Variants in EML1 observed in about 807,000 individuals in gnomAD.
EML1 encodes the protein EMAP like 1.
Under a neutral mutation model 110.4 loss-of-function variants are expected in EML1, and 27 were observed. The ratio of observed to expected loss-of-function variants is 0.24; its 90% CI spans 0.18 to 0.34. EML1 has a LOEUF of 0.34. Among genes scored for constraint, EML1 ranks in the 10% least tolerant of loss-of-function variants. The pLI is 1.00. For synonymous variants in EML1, 344 were observed against 385.8 expected (o/e 0.89, Z 1.27); for missense variants, 741 against 1,030.9 (o/e 0.72, Z 3.85).
chr14:99,892,038 G>C lies in EML1; in HGVS notation c.547+811G>C, dbSNP rs145907073. ...TGAACCGTGTCCAGATTTTAAGACTGGGGGGCAGGTCAGGTGTTGGCCTGC... is the reference window on the plus strand; with the variant it reads ...TGAACCGTGTCCAGATTTTAAGACTCGGGGGCAGGTCAGGTGTTGGCCTGC... On this transcript the variant is annotated intron_variant, in intron 5 of 21. Transcript: ENST00000262233. 504 of 579,508 alleles carry C rather than the reference G, an allele frequency of 8.7e-4. 2 individuals are homozygous for C. In the African/African-American group the frequency reaches 9.4e-3, roughly 11 times the overall value. The allele number at this position is 579,508 out of a possible 1,614,324, so 35.9% of individuals were successfully genotyped here. A position where few individuals can be genotyped will look rare whatever the true frequency, so the allele number is the denominator to read the frequency against.
chr14:99,823,570 T>A (rs955596749), intron 1 of EML1, among the ~76,000 whole-genome samples: 9 of 152,018 alleles, frequency 5.9e-5, no homozygotes, highest in African/African-American at 2.2e-4. Context: ...GCCTGGACCG[T>A]GAAAGTGCTA....
rs143744895 is a variant in EML1 at position 99,752,427 on chromosome 14, T to G, written c.28+14567T>G. Among the ~76,000 whole-genome samples, 232 of 152,338 alleles carry G rather than the reference T, an allele frequency of 1.5e-3. 1 individual carries two copies. Among genetic ancestry groups the G allele is most frequent in the African/African-American group, 5.1e-3 (210 of 41,562 alleles). ...AATTTCAGATAAACAACAACTGTTT[T>G]GTGGAAGTGGAAGCATGTCCCAAAT... On this transcript the variant is annotated intron_variant, in intron 1 of 10. Transcript: ENST00000554479.
intron 1 of EML1, among the ~76,000 whole-genome samples, chr14:99,786,061 C>CAAAAAAAAAAAA (rs56240053): frequency 2.5e-5 from 3 of 120,406 alleles, no homozygotes; most frequent in African/African-American, 9.0e-5. Flanking sequence ...CCTGGCTGCT[C>CAAAAAAAAAAAA]AAAAAAAAAA....
exon 1 of EML1, chr14:99,773,917 C>T (rs1463615223): frequency 1.3e-5 from 2 of 152,428 alleles, no homozygotes; most frequent in East Asian, 1.9e-4. Context: ...CTCGTAAAGC[C>T]GGCCTCTGCC....
rs556376580 is a variant in EML1, at chr14:99,853,256, A to T, written c.250+2221A>T. 5.7e-4 allele frequency among the ~76,000 whole-genome samples: 87 copies of T among 152,356 alleles called. No homozygotes were observed. In the East Asian group the frequency reaches 0.014, roughly 24 times the overall value. On this transcript the variant is annotated intron_variant, in intron 2 of 21. Transcript: ENST00000262233. ...AAGGTCACACCAAGAAGTAAAAAAA[A>T]GATTCACAAGAAAGCAGGTGAATGG... is the stretch of plus-strand genomic sequence containing the variant.
chr14:99,924,981 T>C (rs2060207726), intron 17 of EML1, among the ~76,000 whole-genome samples: 1 of 152,226 alleles, frequency 6.6e-6, no homozygotes, highest in African/African-American at 2.4e-5. Flanking sequence ...TTGCTAGGAT[T>C]CTATTAAGGA....
At chr14:99,786,593 C>T (rs111840751) in intron 1 of EML1, among the ~76,000 whole-genome samples, 5 of 152,180 alleles carry the variant, frequency 3.3e-5, no homozygotes, top group African/African-American at 7.2e-5. Flanking sequence ...GCAGGGGAGG[C>T]GGACACTGAG....
At chr14:99,766,194 C>CTTTTTTT (rs34008528) in intron 1 of EML1, among the ~76,000 whole-genome samples, 3 of 129,872 alleles carry the variant, frequency 2.3e-5, no homozygotes. Flanking sequence ...TAAACTTTTA[C>CTTTTTTT]TTTTTTTTTT....
intron 3 of EML1, among the ~76,000 whole-genome samples, chr14:99,868,886 T>C (rs1233924846): frequency 6.6e-6 from 1 of 152,160 alleles, no homozygotes; most frequent in East Asian, 1.9e-4. Context: ...TTCCTTGAAG[T>C]ATAAAGTTAG....
chr14:99,906,271 G>A (rs1019746385), intron 9 of EML1, among the ~76,000 whole-genome samples: 29 of 152,282 alleles, frequency 1.9e-4, no homozygotes, highest in Admixed American at 1.8e-3. Flanking sequence ...AATTCTAGGC[G>A]ATTCCATAAA....
chr14:99,897,005 A>G (rs754695102), intron 6 of EML1, 140 bp from the exon 7 acceptor site: 7 of 717,298 alleles, frequency 9.8e-6, no homozygotes, highest in African/African-American at 3.7e-5. Context: ...GTCATGGAAT[A>G]TTTGCAATTT....
intron 15 of EML1, among the ~76,000 whole-genome samples, chr14:99,915,610 C>G (rs1304115779): frequency 6.6e-6 from 1 of 151,278 alleles, no homozygotes; most frequent in Non-Finnish European, 1.5e-5. Context: ...TTTTTTAACT[C>G]TGATTTTATT....
chr14:99,920,688 A>G, intron 16 of EML1, 101 bp from the exon 17 acceptor site: 2 of 928,508 alleles, frequency 2.2e-6, no homozygotes, highest in Non-Finnish European at 3.2e-6. Context: ...CTGAGTATTT[A>G]TTAAGCTTTT....
chr14:99,829,127 G>A (rs1381480613), intron 1 of EML1, among the ~76,000 whole-genome samples: 3 of 152,266 alleles, frequency 2.0e-5, no homozygotes, highest in Non-Finnish European at 2.9e-5. Flanking sequence ...TTAATGGGGG[G>A]GCCACTGTAC....
In EML1 at chr14:99,913,188, T is replaced by A. The variant is rs971237817; in HGVS notation, c.1495-991T>A. Among the ~76,000 whole-genome samples, 22 of 151,972 alleles carry A rather than the reference T, an allele frequency of 1.4e-4. No homozygotes were observed. The East Asian group carries it at 3.5e-3, about 24-fold the overall frequency. On this transcript the variant is annotated intron_variant, in intron 13 of 21. Transcript: ENST00000262233. ...TGTTATTATTATTATTATTATTAATTATTATTATTTTCAGACAGGGTCTGG... is the reference window on the plus strand; with the variant it reads ...TGTTATTATTATTATTATTATTAATAATTATTATTTTCAGACAGGGTCTGG...
intron 19 of EML1, among the ~76,000 whole-genome samples, chr14:99,937,031 A>G (rs958815556): frequency 1.1e-4 from 17 of 152,210 alleles, no homozygotes; most frequent in Admixed American, 3.3e-4. Flanking sequence ...GATGACCTAC[A>G]GCACTTTCTG....
At chr14:99,917,714 C>A in intron 15 of EML1, 68 bp from the exon 16 acceptor site, 1 of 1,497,474 alleles carries the variant, frequency 6.7e-7, no homozygotes. Flanking sequence ...CACGCACTCA[C>A]GTGTGTGTGT....
chr14:99,887,834 A>G (rs1299827268), intron 4 of EML1, among the ~76,000 whole-genome samples: 1 of 152,072 alleles, frequency 6.6e-6, no homozygotes, highest in African/African-American at 2.4e-5. Context: ...GGTGGCTTCA[A>G]TGTTCTCTTC....
chr14:99,884,750 G>T (rs1056437772), intron 4 of EML1, among the ~76,000 whole-genome samples: 2 of 152,132 alleles, frequency 1.3e-5, no homozygotes, highest in African/African-American at 4.8e-5. Context: ...AAGCAAATTC[G>T]TAGCTTAATG....
Sources: gnomAD v4.1 joint callset for allele counts (sites outside exome capture counted in the v4.1 genomes callset) on GRCh38, gnomAD v4.1.1 for gene constraint, MANE v1.5 for transcripts, NCBI Gene and HGNC (gene_info 2026-07-23, HGNC 2026-07-21) for gene names.